SNX3: variants seen among roughly 807,000 people sequenced by gnomAD.
The protein encoded by SNX3 is sorting nexin 3.
SNX3 carries 5 observed loss-of-function variants against 17.7 expected under a neutral mutation model. That is an observed-to-expected ratio of 0.28 (90% CI 0.15 to 0.59). The LOEUF is 0.59. Ranked by LOEUF, SNX3 falls within the 20% of genes least tolerant of loss-of-function variation. The pLI is 0.88. For missense variants in SNX3, 132 were observed against 206.8 expected (o/e 0.64, Z 2.22); for synonymous variants, 91 against 76.5 (o/e 1.19, Z -0.99).
At chr6:108,229,030 C>T (rs535018730) in intron 1 of SNX3, among the ~76,000 whole-genome samples, 6 of 152,044 alleles carry the variant, frequency 3.9e-5, no homozygotes, top group African/African-American at 7.2e-5. Flanking sequence ...GAGGCTGAGG[C>T]GGGTGGATCA....
intron 1 of SNX3, among the ~76,000 whole-genome samples, chr6:108,247,646 G>A (rs573676212): frequency 2.9e-4 from 44 of 151,862 alleles, no homozygotes; most frequent in Non-Finnish European, 5.7e-4. Flanking sequence ...CCTCCCAAAG[G>A]GCTAAAATTA....
chr6:108,214,769 G>T, intron 2 of SNX3, 147 bp from the exon 3 acceptor site: 1 of 773,538 alleles, frequency 1.3e-6, no homozygotes, highest in Non-Finnish European at 2.0e-6. Flanking sequence ...AAAATACACT[G>T]AAAAAAGACC....
rs1774398839 is a variant in SNX3, at chr6:108,211,281, A to G, written c.*868T>C. On this transcript the variant is annotated 3_prime_UTR_variant, in exon 4 of 4. Coordinates refer to ENST00000230085, the MANE Select transcript of SNX3 (RefSeq NM_003795.6). Reference sequence around the variant, plus strand: ...TATAAAGCAGTTTTCAAATACACAAAGTGCTTCAAAATGATTCAATAAGCC... The same window carrying G: ...TATAAAGCAGTTTTCAAATACACAAGGTGCTTCAAAATGATTCAATAAGCC... The G allele has an allele frequency of 6.6e-6, 1 of 152,240 alleles. No homozygotes were observed. The highest frequency in any genetic ancestry group is 2.4e-5 in the African/African-American group (1 of 41,464). 9.4% of individuals were successfully genotyped at this position (152,240 alleles called of 1,614,324 possible).
At position 108,251,879 on chromosome 6, in the gene SNX3, C is replaced by T. The variant is rs142754904; in HGVS notation, c.162+8881G>A. On this transcript the variant is annotated intron_variant, in intron 1 of 3. Coordinates refer to ENST00000230085, the MANE Select transcript of SNX3 (RefSeq NM_003795.6). ...GAGTTCGAGACCAGCCTGGGCAACACGATGAAACCCCATCTTTACTAAAAA... is the reference window on the plus strand; with the variant it reads ...GAGTTCGAGACCAGCCTGGGCAACATGATGAAACCCCATCTTTACTAAAAA... 4.1e-3 allele frequency among the ~76,000 whole-genome samples: 625 copies of T among 151,644 alleles called. 5 individuals are homozygous for T. The highest frequency in any genetic ancestry group is 0.013 in the African/African-American group (529 of 41,302).
At chr6:108,218,153 G>A (rs1774646006) in intron 2 of SNX3, among the ~76,000 whole-genome samples, 1 of 152,050 alleles carries the variant, frequency 6.6e-6, no homozygotes, top group African/African-American at 2.4e-5. Flanking sequence ...TATCTGATAG[G>A]GAACTCTAAG....
Position 108,261,000 on chromosome 6 carries a change from G to C in SNX3, c.-79C>G. 2 of 1,331,550 alleles carry C rather than the reference G, an allele frequency of 1.5e-6. No homozygotes were observed. The highest frequency in any genetic ancestry group is 2.0e-6 in the Non-Finnish European group (2 of 1,022,678). The allele number at this position is 1,331,550 out of a possible 1,614,324, so 82.5% of individuals were successfully genotyped here. On this transcript the variant is annotated 5_prime_UTR_variant, in exon 1 of 4. Coordinates refer to ENST00000230085, the MANE Select transcript of SNX3 (RefSeq NM_003795.6). Reference sequence around the variant, plus strand: ...GCCGCCGCCGCCGCCGCTGCTGCCCGCCGTGGGGACACGGGGCTCGCGCGC... The same window carrying C: ...GCCGCCGCCGCCGCCGCTGCTGCCCCCCGTGGGGACACGGGGCTCGCGCGC...
intron 1 of SNX3, among the ~76,000 whole-genome samples, chr6:108,236,733 C>T (rs551072360): frequency 2.8e-4 from 43 of 152,166 alleles, no homozygotes; most frequent in Middle Eastern, 6.8e-3. Context: ...TTCTTCAAAG[C>T]TTGAAGTATT....
intron 1 of SNX3, among the ~76,000 whole-genome samples, chr6:108,237,501 T>C (rs1320548284): frequency 2.0e-5 from 3 of 152,010 alleles, no homozygotes; most frequent in African/African-American, 7.3e-5. Flanking sequence ...GAATCTACCA[T>C]GAGGCCAGGT....
intron 2 of SNX3, 106 bp from the exon 3 acceptor site, chr6:108,214,728 C>A: frequency 8.3e-7 from 1 of 1,199,932 alleles, no homozygotes; most frequent in Non-Finnish European, 1.2e-6. Context: ...AGCCATCGTC[C>A]GGTCAAACTA....
chr6:108,246,012 C>T (rs757658490), intron 1 of SNX3, among the ~76,000 whole-genome samples: 1 of 152,138 alleles, frequency 6.6e-6, no homozygotes, highest in Non-Finnish European at 1.5e-5. Context: ...GAAGTCCTTG[C>T]CCATGCCTAT....
At chr6:108,221,563 TG>T (rs1774775816) in intron 2 of SNX3, among the ~76,000 whole-genome samples, 1 of 119,822 alleles carries the variant, frequency 8.3e-6, no homozygotes. Context: ...TTTTTTTTTT[TG>T]AGACAGGGCC....
intron 1 of SNX3, among the ~76,000 whole-genome samples, chr6:108,243,387 C>G (rs187968523): frequency 3.0e-4 from 46 of 152,138 alleles, no homozygotes; most frequent in African/African-American, 1.1e-3. Context: ...GACAAAAAAA[C>G]AAAACAAAAC....
At chr6:108,254,080 T>C (rs1426092673) in intron 1 of SNX3, among the ~76,000 whole-genome samples, 2 of 150,762 alleles carry the variant, frequency 1.3e-5, no homozygotes, top group Non-Finnish European at 2.9e-5. Context: ...TGAGCTGAGA[T>C]TGCACCACCT....
chr6:108,221,862 G>A (rs1041845630), intron 2 of SNX3, among the ~76,000 whole-genome samples: 4 of 151,966 alleles, frequency 2.6e-5, no homozygotes, highest in African/African-American at 9.7e-5. Flanking sequence ...ATTTAGGTCT[G>A]GTCTTTTGGT....
intron 1 of SNX3, among the ~76,000 whole-genome samples, chr6:108,223,629 CT>C (rs1774884943): frequency 6.7e-6 from 1 of 150,294 alleles, no homozygotes; most frequent in Non-Finnish European, 1.5e-5. Context: ...TCCCAAGTAG[CT>C]GGGATTACAG....
intron 1 of SNX3, among the ~76,000 whole-genome samples, chr6:108,259,461 G>C (rs1776124573): frequency 6.6e-6 from 1 of 152,014 alleles, no homozygotes; most frequent in Non-Finnish European, 1.5e-5. Context: ...TCGAACTCCT[G>C]ACCTCGGTGA....
At chr6:108,231,091 C>A (rs1336747176) in intron 1 of SNX3, among the ~76,000 whole-genome samples, 1 of 151,770 alleles carries the variant, frequency 6.6e-6, no homozygotes, top group Non-Finnish European at 1.5e-5. Flanking sequence ...CTGGAGGGAT[C>A]CTCCCACCTC....
intron 1 of SNX3, among the ~76,000 whole-genome samples, chr6:108,252,911 T>A (rs1026528638): frequency 6.6e-6 from 1 of 152,184 alleles, no homozygotes; most frequent in South Asian, 2.1e-4. Flanking sequence ...GCGCTGGGAT[T>A]ACAGGCATGA....
chr6:108,257,337 T>C (rs912527882), intron 1 of SNX3, among the ~76,000 whole-genome samples: 5 of 152,080 alleles, frequency 3.3e-5, no homozygotes, highest in African/African-American at 2.4e-5. Context: ...ATGGGCAACA[T>C]AGCAAGTCTC....
Sources: allele counts gnomAD v4.1 joint callset (sites outside exome capture counted in the v4.1 genomes callset), GRCh38; gene constraint gnomAD v4.1.1; transcripts MANE v1.5; gene names NCBI Gene and HGNC (gene_info 2026-07-23, HGNC 2026-07-21).